The following SLC15A5 variants were observed in gnomAD, a reference collection of about 807,000 sequenced individuals.
SLC15A5 encodes solute carrier family 15 member 5.
Under a neutral mutation model 56.1 loss-of-function variants are expected in SLC15A5, and 58 were observed. The observed-to-expected ratio is 1.03, with a 90% confidence interval of 0.84 to 1.29. The LOEUF is 1.29. Among genes scored for constraint, SLC15A5 ranks in the 50% most tolerant of loss-of-function variants. The pLI is 0.00. For synonymous variants in SLC15A5, 264 were observed against 250.5 expected (o/e 1.05, Z -0.51); for missense variants, 681 against 672.1 (o/e 1.01, Z -0.15).
At chr12:16,277,269 A>G (rs1163003205) in intron 1 of SLC15A5, 56 bp downstream of exon 1, 2 of 1,425,586 alleles carry the variant, frequency 1.4e-6, no homozygotes, top group East Asian at 2.5e-5. Flanking sequence ...TAAAAATTCT[A>G]ACAAAAATCT....
intron 5 of SLC15A5, among the ~76,000 whole-genome samples, chr12:16,230,327 A>C (rs1046339131): frequency 6.6e-6 from 1 of 152,142 alleles, no homozygotes; most frequent in African/African-American, 2.4e-5. Flanking sequence ...TCAACAACCC[A>C]CTGTTGATGA....
At chr12:16,218,439 A>G (rs1410643315) in intron 6 of SLC15A5, among the ~76,000 whole-genome samples, 1 of 152,180 alleles carries the variant, frequency 6.6e-6, no homozygotes, top group Non-Finnish European at 1.5e-5. Context: ...AGATATGTCC[A>G]GAGAAATGTG....
At position 16,204,479 on chromosome 12, in the gene SLC15A5, C is replaced by T. The variant is rs555008632; in HGVS notation, c.1484-10026G>A. 2.4e-3 allele frequency among the ~76,000 whole-genome samples: 342 copies of T among 145,470 alleles called. 2 individuals are homozygous for T. The highest frequency in any genetic ancestry group is 3.8e-3 in the Non-Finnish European group (255 of 66,272). ...GAAAAAATAATAAAAATGTGAAATT[C>T]ATCTAGAAGTATAAGCCATGGAGAA... On this transcript the variant is annotated intron_variant, in intron 7 of 8. Transcript: ENST00000344941.
chr12:16,191,574 G>A (rs1036801844), intron 8 of SLC15A5, among the ~76,000 whole-genome samples: 10 of 152,050 alleles, frequency 6.6e-5, no homozygotes, highest in African/African-American at 2.2e-4. Context: ...CAATAATGCT[G>A]TCCCTGGGAC....
At chr12:16,216,859 A>T (rs1226663917) in intron 7 of SLC15A5, 34 bp downstream of exon 7, 9 of 1,512,932 alleles carry the variant, frequency 5.9e-6, no homozygotes, top group African/African-American at 1.4e-5. Flanking sequence ...TCATCAACTC[A>T]ATGTATATAA....
intron 5 of SLC15A5, among the ~76,000 whole-genome samples, chr12:16,233,717 T>G (rs1864321274): frequency 6.6e-6 from 1 of 152,216 alleles, no homozygotes. Context: ...TTTCTTTGTC[T>G]TTGATACTGA....
At position 16,223,458 on chromosome 12, in the gene SLC15A5, A is replaced by C. The variant is rs528620763; in HGVS notation, c.1351+956T>G. Among the ~76,000 whole-genome samples, 56 of 152,324 alleles carry C rather than the reference A, an allele frequency of 3.7e-4. 1 individual carries two copies. Among genetic ancestry groups the C allele is most frequent in the Admixed American group, 7.8e-4 (12 of 15,304 alleles). The stretch of plus-strand genomic sequence containing the variant: ...ATGTACACACACATTACTGTATTGC[A>C]AGAAGCCACTGAAATATTGTGATAA... On this transcript the variant is annotated intron_variant, in intron 6 of 8. Transcript: ENST00000344941.
rs1344886189 is a variant in SLC15A5 at position 16,271,887 on chromosome 12, G to A, written c.584+674C>T. On this transcript the variant is annotated intron_variant, in intron 2 of 8. Coordinates refer to ENST00000344941, the MANE Select transcript of SLC15A5 (RefSeq NM_001170798.1). The surrounding 1 kb of genome is among the most constrained non-coding windows in gnomAD (Gnocchi z 8.0). ...CGTTGGGAGAGACAAAGATTCACAG[G>A]AAGGCTGTTTGATTTTCATGGAATA... Among the ~76,000 whole-genome samples, 1 of 152,156 alleles carries A rather than the reference G, an allele frequency of 6.6e-6. No homozygotes were observed. Among genetic ancestry groups the A allele is most frequent in the Non-Finnish European group, 1.5e-5 (1 of 68,030 alleles).
At chr12:16,205,083 A>G (rs895645105) in intron 7 of SLC15A5, among the ~76,000 whole-genome samples, 2 of 152,144 alleles carry the variant, frequency 1.3e-5, no homozygotes, top group East Asian at 1.9e-4. Flanking sequence ...ATAAACTGAC[A>G]AAAGAAGACC....
intron 8 of SLC15A5, among the ~76,000 whole-genome samples, chr12:16,192,540 A>G (rs1190334230): frequency 1.3e-5 from 2 of 152,080 alleles, no homozygotes; most frequent in Non-Finnish European, 1.5e-5. Context: ...ACACTTGAAT[A>G]TTTTAATTTG....
At position 16,269,254 on chromosome 12, in the gene SLC15A5, C is replaced by T. The variant is rs570213048; in HGVS notation, c.584+3307G>A. On this transcript the variant is annotated intron_variant, in intron 2 of 8. Coordinates refer to ENST00000344941, the MANE Select transcript of SLC15A5 (RefSeq NM_001170798.1). This position sits in a 1 kb window ranked among gnomAD's most constrained non-coding sequence, Gnocchi z 4.7. ...CCAGAAAATTCTGATCCAGGAGGTTCGAGGTGGGACCTGGGAAACATTTTC... is the reference window on the plus strand; with the variant it reads ...CCAGAAAATTCTGATCCAGGAGGTTTGAGGTGGGACCTGGGAAACATTTTC... 1.0e-3 allele frequency among the ~76,000 whole-genome samples: 155 copies of T among 152,232 alleles called. No homozygotes were observed. Among genetic ancestry groups the T allele is most frequent in the African/African-American group, 3.1e-3 (130 of 41,538 alleles).
chr12:16,218,299 A>T (rs1864150442), intron 6 of SLC15A5, among the ~76,000 whole-genome samples: 1 of 152,208 alleles, frequency 6.6e-6, no homozygotes, highest in Admixed American at 6.5e-5. Flanking sequence ...TGGATTTCTA[A>T]TATTCCTCTT....
In SLC15A5 at chr12:16,196,493, A is replaced by G. The variant is rs1863895954; in HGVS notation, c.1484-2040T>C. On this transcript the variant is annotated intron_variant, in intron 7 of 8. Coordinates refer to ENST00000344941, the MANE Select transcript of SLC15A5 (RefSeq NM_001170798.1). The surrounding 1 kb of genome is among the most constrained non-coding windows in gnomAD (Gnocchi z 4.0). ...GTGGAGGTCAAGATAAGGTGCAATA[A>G]CATCCTACTTATTTTCAGGAAGAAC... Among the ~76,000 whole-genome samples, 1 of 152,060 alleles carries G rather than the reference A, an allele frequency of 6.6e-6. No homozygotes were observed. The highest frequency in any genetic ancestry group is 6.6e-5 in the Admixed American group (1 of 15,246).
chr12:16,251,008 A>G (rs749777943), intron 3 of SLC15A5, among the ~76,000 whole-genome samples: 2 of 151,984 alleles, frequency 1.3e-5, no homozygotes, highest in Non-Finnish European at 2.9e-5. Context: ...AACTTTTGTC[A>G]TGGACAAAGT....
intron 2 of SLC15A5, among the ~76,000 whole-genome samples, chr12:16,272,347 C>T (rs890083129): frequency 1.3e-5 from 2 of 152,130 alleles, no homozygotes; most frequent in South Asian, 2.1e-4. Flanking sequence ...TAAATGTGTC[C>T]GCGTGTGTTG....
At chr12:16,233,731 T>C (rs1326073440) in intron 5 of SLC15A5, among the ~76,000 whole-genome samples, 1 of 152,234 alleles carries the variant, frequency 6.6e-6, no homozygotes, top group Admixed American at 6.5e-5. Flanking sequence ...ATACTGAAAG[T>C]GTCCTCCCTG....
chr12:16,253,890 A>G (rs966284250), intron 3 of SLC15A5, among the ~76,000 whole-genome samples: 2 of 152,138 alleles, frequency 1.3e-5, no homozygotes, highest in East Asian at 1.9e-4. Context: ...CAAAAACTTT[A>G]AAGTAGAATT....
chr12:16,193,833 G>A (rs1157731728), intron 8 of SLC15A5, among the ~76,000 whole-genome samples: 1 of 131,274 alleles, frequency 7.6e-6, no homozygotes. Flanking sequence ...GAGAGAGAGA[G>A]AGAGAGAGAG....
Position 16,244,663 on chromosome 12 carries a change from G to T in SLC15A5, c.892C>A (p.Leu298Ile). The change falls in exon 4 of 9, where the codon CTC becomes ATC. Residue 298 changes from leucine to isoleucine, a missense_variant. Coordinates refer to ENST00000344941, the MANE Select transcript of SLC15A5 (RefSeq NM_001170798.1). ...KEKNGGCYSE[L>I]HVEDTTFFLT... is the part of the protein sequence containing the mutation. ...AAAAATGTTGTGTCTTCTACATGGA[G>T]CTCACTGTAGCAGCCACCATTTTTT... 1 of 1,537,496 alleles carries T rather than the reference G, an allele frequency of 6.5e-7. No individual in the cohort carries two copies. Among genetic ancestry groups the T allele is most frequent in the Non-Finnish European group, 8.7e-7 (1 of 1,146,982 alleles).
Sources: allele counts gnomAD v4.1 joint callset (sites outside exome capture counted in the v4.1 genomes callset), GRCh38; gene constraint gnomAD v4.1.1; non-coding constraint Gnocchi (gnomAD v3.1); transcripts MANE v1.5; gene names NCBI Gene and HGNC (gene_info 2026-07-23, HGNC 2026-07-21).